The following SNX29 variants were observed in gnomAD, a reference collection of about 807,000 sequenced individuals.
The protein encoded by SNX29 is sorting nexin 29.
SNX29 carries 78 observed loss-of-function variants against 102.1 expected under a neutral mutation model. The observed-to-expected ratio is 0.76, with a 90% confidence interval of 0.64 to 0.92. SNX29 has a LOEUF of 0.92. SNX29 is among the 40% of genes least tolerant of loss of function. SNX29 has a pLI of 0.00. For missense variants in SNX29, 1,280 were observed against 1,061.7 expected (o/e 1.21, Z -2.86); for synonymous variants, 580 against 414.5 (o/e 1.40, Z -4.85).
intron 14 of SNX29, among the ~76,000 whole-genome samples, chr16:12,242,957 C>T (rs1297957391): frequency 6.6e-6 from 1 of 152,156 alleles, no homozygotes; most frequent in Non-Finnish European, 1.5e-5. Flanking sequence ...CATTCCCCAC[C>T]CCCAAAACCC....
intron 14 of SNX29, among the ~76,000 whole-genome samples, chr16:12,216,614 G>A (rs1389624872): frequency 6.6e-6 from 1 of 152,176 alleles, no homozygotes; most frequent in African/African-American, 2.4e-5. Context: ...AAGCCTTATA[G>A]CATGAAGACT....
At chr16:12,318,216 G>A (rs905857713) in intron 15 of SNX29, among the ~76,000 whole-genome samples, 2 of 152,248 alleles carry the variant, frequency 1.3e-5, no homozygotes, top group Non-Finnish European at 2.9e-5. Flanking sequence ...GCACACCTGG[G>A]AGCCTGCATG....
intron 13 of SNX29, among the ~76,000 whole-genome samples, chr16:12,147,072 G>T (rs763879663): frequency 2.0e-5 from 3 of 152,176 alleles, no homozygotes; most frequent in Non-Finnish European, 2.9e-5. Context: ...TTTTGTTGAC[G>T]AACTCAACTT....
intron 15 of SNX29, among the ~76,000 whole-genome samples, chr16:12,345,997 C>T (rs1388787203): frequency 2.0e-5 from 3 of 152,214 alleles, no homozygotes; most frequent in Non-Finnish European, 2.9e-5. Context: ...GCCAGTCCCA[C>T]TCCCCCCTCC....
chr16:12,455,795 A>G (rs151225035), intron 18 of SNX29, among the ~76,000 whole-genome samples: 65 of 152,216 alleles, frequency 4.3e-4, no homozygotes, highest in Non-Finnish European at 9.3e-4. Flanking sequence ...GATAGATGAG[A>G]TGTAGGTGGC....
intron 13 of SNX29, among the ~76,000 whole-genome samples, chr16:12,145,610 ATTAT>A (rs2055036032): frequency 6.6e-6 from 1 of 152,200 alleles, no homozygotes; most frequent in Non-Finnish European, 1.5e-5. Context: ...CAATGAATTT[ATTAT>A]TTATGGGGCA....
At chr16:12,384,983 C>G (rs1000505869) in intron 16 of SNX29, among the ~76,000 whole-genome samples, 1 of 152,174 alleles carries the variant, frequency 6.6e-6, no homozygotes, top group Non-Finnish European at 1.5e-5. Context: ...CCAGCCTGAC[C>G]AACATGGTGA....
At chr16:12,105,433 G>T (rs1189673988) in intron 11 of SNX29, among the ~76,000 whole-genome samples, 1 of 151,920 alleles carries the variant, frequency 6.6e-6, no homozygotes, top group Non-Finnish European at 1.5e-5. Flanking sequence ...TTTTTACCAT[G>T]TTGGCCAGGT....
intron 14 of SNX29, among the ~76,000 whole-genome samples, chr16:12,223,741 C>T (rs570440634): frequency 4.5e-4 from 69 of 152,290 alleles, no homozygotes; most frequent in African/African-American, 1.5e-3. Context: ...GTGGGCCCAG[C>T]GCTTCTGCAT....
At chr16:12,419,567 C>G (rs561947168) in intron 18 of SNX29, among the ~76,000 whole-genome samples, 1 of 151,712 alleles carries the variant, frequency 6.6e-6, no homozygotes, top group Admixed American at 6.6e-5. Flanking sequence ...ACTCAGCCCC[C>G]CCCCCCATCT....
chr16:12,222,858 G>C (rs7195833), intron 14 of SNX29, among the ~76,000 whole-genome samples: 152,003 of 152,340 alleles, frequency 1, 75,833 homozygotes, highest in Non-Finnish European at 1. Context: ...TGTAAGCCAC[G>C]ACGCCCAGCC....
chr16:12,415,450 G>T (rs1268596429), intron 18 of SNX29, among the ~76,000 whole-genome samples: 1 of 152,252 alleles, frequency 6.6e-6, no homozygotes, highest in Non-Finnish European at 1.5e-5. Context: ...ACACAGCAAG[G>T]ACAGGTTGTC....
chr16:12,439,095 T>G (rs531778758), intron 18 of SNX29, among the ~76,000 whole-genome samples: 22 of 152,308 alleles, frequency 1.4e-4, no homozygotes, highest in African/African-American at 5.1e-4. Context: ...CCAGCCTCCC[T>G]CATCAGTGAA....
intron 16 of SNX29, among the ~76,000 whole-genome samples, chr16:12,381,829 C>G (rs1477028602): frequency 7.0e-6 from 1 of 143,630 alleles, no homozygotes; most frequent in African/African-American, 2.6e-5. Flanking sequence ...CACCCATCAT[C>G]CATCCACTCA....
chr16:12,002,988 C>A lies in SNX29; in HGVS notation c.70-3C>A, dbSNP rs550909997. On this transcript the variant is annotated splice_polypyrimidine_tract_variant and splice_region_variant and intron_variant, in intron 2 of 20. Coordinates refer to ENST00000566228, the MANE Select transcript of SNX29 (RefSeq NM_032167.5). ...GATCTCAGCAGCTTCTTTTTCTGTG[C>A]AGTGCCAGATCCGCTTTGGAGGGAG... The A allele has an allele frequency of 6.2e-7, 1 of 1,614,196 alleles. No individual in the cohort carries two copies. The highest frequency in any genetic ancestry group is 8.5e-7 in the Non-Finnish European group (1 of 1,180,038).
chr16:12,541,985 A>G (rs1015236544), intron 20 of SNX29, among the ~76,000 whole-genome samples: 1 of 152,272 alleles, frequency 6.6e-6, no homozygotes, highest in African/African-American at 2.4e-5. Flanking sequence ...GGCTTGTCTT[A>G]TGAGTCCAGA....
At chr16:12,374,274 A>C (rs987796393) in intron 16 of SNX29, 1 of 124,626 alleles carries the variant, frequency 8.0e-6, no homozygotes, top group Admixed American at 8.5e-5. Context: ...TGTCCCCTGG[A>C]CTCACACAGT....
intron 20 of SNX29, among the ~76,000 whole-genome samples, chr16:12,541,285 C>G (rs150692524): frequency 3.4e-4 from 52 of 152,268 alleles, no homozygotes; most frequent in African/African-American, 1.2e-3. Context: ...CAGGGGAATA[C>G]CACTAACAGT....
At chr16:12,173,653 G>A (rs2076199275) in intron 13 of SNX29, among the ~76,000 whole-genome samples, 1 of 152,184 alleles carries the variant, frequency 6.6e-6, no homozygotes, top group African/African-American at 2.4e-5. Context: ...TGCTTCTGGA[G>A]CCAATGCTAA....
Sources: allele counts gnomAD v4.1 joint callset (sites outside exome capture counted in the v4.1 genomes callset), GRCh38; gene constraint gnomAD v4.1.1; transcripts MANE v1.5; gene names NCBI Gene and HGNC (gene_info 2026-07-23, HGNC 2026-07-21).